Variants in ADAMTSL3 observed in about 807,000 individuals in gnomAD.
The protein encoded by ADAMTSL3 is ADAMTS like 3, also known as ADAMTS-like protein 3.
In ADAMTSL3, 128 loss-of-function variants were observed where a neutral mutation model predicts 201.7. The observed-to-expected ratio is 0.63, with a 90% confidence interval of 0.55 to 0.73. The LOEUF (loss-of-function observed/expected upper bound fraction) is 0.73, where lower values mean the gene tolerates loss of function less well. ADAMTSL3 is among the 30% of genes least tolerant of loss of function. The pLI is 0.00. For missense variants in ADAMTSL3, 1,990 were observed against 2,119.6 expected (o/e 0.94, Z 1.20); for synonymous variants, 738 against 748.4 (o/e 0.99, Z 0.23).
chr15:83,889,961 C>T (rs1448553770), intron 10 of ADAMTSL3, 148 bp from the exon 11 acceptor site: 7 of 728,332 alleles, frequency 9.6e-6, no homozygotes, highest in African/African-American at 5.4e-5. Flanking sequence ...TTAAAAGCTC[C>T]CATGTGGTTC....
chr15:83,907,546 T>G (rs1196846855), intron 15 of ADAMTSL3, among the ~76,000 whole-genome samples: 1 of 152,136 alleles, frequency 6.6e-6, no homozygotes, highest in Non-Finnish European at 1.5e-5. Flanking sequence ...ACTGCAGGCA[T>G]GCACCACCAT....
At chr15:83,681,870 C>T (rs938492323) in intron 2 of ADAMTSL3, among the ~76,000 whole-genome samples, 1 of 152,160 alleles carries the variant, frequency 6.6e-6, no homozygotes, top group Non-Finnish European at 1.5e-5. Flanking sequence ...TTTATTTACT[C>T]CCCATAACAT....
rs2067353994 is a variant in ADAMTSL3 at position 83,979,904 on chromosome 15, A to G, written c.2645-2369A>G. ...AGTGCTTTGGCTTAATTCATGGTACATGCTGGGGTAATGGTCCTCGAACTT... is the reference window on the plus strand; with the variant it reads ...AGTGCTTTGGCTTAATTCATGGTACGTGCTGGGGTAATGGTCCTCGAACTT... On this transcript the variant is annotated intron_variant, in intron 20 of 29. Transcript: ENST00000286744. Among the ~76,000 whole-genome samples, 3 of 152,216 alleles carry G rather than the reference A, an allele frequency of 2.0e-5. No individual in the cohort carries two copies. The South Asian group carries it at 6.2e-4, about 32-fold the overall frequency.
chr15:83,685,539 G>A (rs1322446294), intron 2 of ADAMTSL3, among the ~76,000 whole-genome samples: 3 of 152,066 alleles, frequency 2.0e-5, no homozygotes, highest in Non-Finnish European at 4.4e-5. Flanking sequence ...TTCTTACTTT[G>A]ATGCCACAAA....
chr15:83,903,230 C>T (rs978527955), intron 15 of ADAMTSL3, among the ~76,000 whole-genome samples: 8 of 145,784 alleles, frequency 5.5e-5, no homozygotes, highest in East Asian at 2.0e-4. Context: ...CTTTTTCTTT[C>T]GGCTGCCAGA....
intron 27 of ADAMTSL3, among the ~76,000 whole-genome samples, chr15:84,026,646 A>G (rs1238589134): frequency 6.6e-6 from 1 of 152,196 alleles, no homozygotes; most frequent in Non-Finnish European, 1.5e-5. Flanking sequence ...ACCCATATAT[A>G]TATATCTCAA....
chr15:83,839,598 T>C (rs1321186379), intron 7 of ADAMTSL3, among the ~76,000 whole-genome samples: 1 of 152,136 alleles, frequency 6.6e-6, no homozygotes, highest in Non-Finnish European at 1.5e-5. Context: ...AAATAGGAAG[T>C]GTCTTTCAAG....
chr15:83,956,954 G>A (rs2142080757), intron 19 of ADAMTSL3, among the ~76,000 whole-genome samples: 1 of 152,270 alleles, frequency 6.6e-6, no homozygotes, highest in African/African-American at 2.4e-5. Flanking sequence ...ACTAAGAATA[G>A]TTTTCAGTGA....
intron 3 of ADAMTSL3, among the ~76,000 whole-genome samples, chr15:83,745,133 T>C (rs2062523791): frequency 6.6e-6 from 1 of 152,216 alleles, no homozygotes; most frequent in East Asian, 1.9e-4. Context: ...GCGGCTTGAC[T>C]TCGGCTGGGC....
At chr15:83,897,669 A>G (rs2065644587) in intron 13 of ADAMTSL3, among the ~76,000 whole-genome samples, 189 bp from the exon 14 acceptor site, 1 of 152,324 alleles carries the variant, frequency 6.6e-6, no homozygotes, top group East Asian at 1.9e-4. Flanking sequence ...AGGTTGTACA[A>G]AAGAGGGGCC....
At chr15:83,697,703 C>T (rs1200932138) in intron 2 of ADAMTSL3, among the ~76,000 whole-genome samples, 1 of 152,134 alleles carries the variant, frequency 6.6e-6, no homozygotes, top group Non-Finnish European at 1.5e-5. Flanking sequence ...TCCAGGCACA[C>T]AGATATGTTC....
At chr15:83,784,492 C>T (rs1325338463) in intron 4 of ADAMTSL3, among the ~76,000 whole-genome samples, 5 of 152,106 alleles carry the variant, frequency 3.3e-5, no homozygotes, top group African/African-American at 4.8e-5. Context: ...TTTCCAGGTA[C>T]GATACAGAGT....
chr15:83,726,910 A>G (rs550422848), intron 3 of ADAMTSL3, among the ~76,000 whole-genome samples: 1 of 151,862 alleles, frequency 6.6e-6, no homozygotes, highest in East Asian at 1.9e-4. Context: ...CTGGCCTCAG[A>G]GAATGAGTCT....
At position 83,838,088 on chromosome 15, in the gene ADAMTSL3, G is replaced by A. The variant is rs1284450938; in HGVS notation, c.601-1G>A. On this transcript the variant is annotated splice_acceptor_variant, in intron 6 of 29. Coordinates refer to ENST00000286744, the MANE Select transcript of ADAMTSL3 (RefSeq NM_207517.3). LOFTEE classifies it high-confidence loss of function. Reference sequence around the variant, plus strand: ...ACTGACTGCCATGCTTCTGTTGGCAGGCAGTGGGCTGCGATCGGCAACTGG... The same window carrying A: ...ACTGACTGCCATGCTTCTGTTGGCAAGCAGTGGGCTGCGATCGGCAACTGG... 6.2e-7 allele frequency: 1 copy of A among 1,606,938 alleles called. No individual in the cohort carries two copies. The highest frequency in any genetic ancestry group is 1.1e-5 in the South Asian group (1 of 89,418).
intron 2 of ADAMTSL3, among the ~76,000 whole-genome samples, chr15:83,692,256 A>G (rs934697023): frequency 9.3e-5 from 14 of 150,908 alleles, no homozygotes; most frequent in African/African-American, 3.5e-4. Context: ...TGTTTTTAAG[A>G]AGTCTTTAAT....
At position 83,881,298 on chromosome 15, in the gene ADAMTSL3, C is replaced by T. The variant is rs868229331; in HGVS notation, c.961-3803C>T. ...CTTTCTAGGGTCCTGGGTTGGGAAC[C>T]TGGGGTGTTTACCAACACCTGACAC... On this transcript the variant is annotated intron_variant, in intron 9 of 29. Coordinates refer to ENST00000286744, the MANE Select transcript of ADAMTSL3 (RefSeq NM_207517.3). 2.0e-5 allele frequency among the ~76,000 whole-genome samples: 3 copies of T among 152,134 alleles called. No individual in the cohort carries two copies. In the South Asian group the frequency reaches 6.2e-4, roughly 31 times the overall value.
rs1567169887 is a variant in ADAMTSL3, at chr15:83,823,958, CTTCTTCTTCTTCTT to C, written c.600+3912_600+3925del. Among the ~76,000 whole-genome samples the C allele has an allele frequency of 4.8e-3, 427 of 89,054 alleles. 8 individuals carry two copies. Among genetic ancestry groups the C allele is most frequent in the East Asian group, 7.3e-3 (18 of 2,456 alleles). 58.4% of individuals were successfully genotyped at this position (89,054 alleles called of 152,430 possible). The stretch of plus-strand genomic sequence containing the variant: ...TCTTCTTCTTCTTCTTCTTCTTCTT[CTTCTTCTTCTTCTT>C]CTCCTCCTCCTCCTCCTCCTTCTCC... On this transcript the variant is annotated intron_variant, in intron 6 of 29. Transcript: ENST00000286744.
At chr15:83,785,519 C>G (rs1323641744) in intron 4 of ADAMTSL3, among the ~76,000 whole-genome samples, 1 of 152,078 alleles carries the variant, frequency 6.6e-6, no homozygotes, top group Non-Finnish European at 1.5e-5. Context: ...TTTAGATAAC[C>G]TGTCTGCCCA....
intron 2 of ADAMTSL3, among the ~76,000 whole-genome samples, chr15:83,695,247 T>TATGTAGTGTGTGGTATGTG (rs1209593798): frequency 6.5e-5 from 3 of 46,504 alleles, no homozygotes; most frequent in Non-Finnish European, 1.5e-4. Context: ...TGTGTGTGTG[T>TATGTAGTGTGTGGTATGTG]GTGTGTGTGT....
Sources: allele counts gnomAD v4.1 joint callset (sites outside exome capture counted in the v4.1 genomes callset), GRCh38; gene constraint gnomAD v4.1.1; transcripts MANE v1.5; gene names NCBI Gene and HGNC (gene_info 2026-07-23, HGNC 2026-07-21).